Variants in CD28 observed in about 807,000 individuals in gnomAD.
CD28 encodes CD28 molecule, also known as T-cell-specific surface glycoprotein CD28.
CD28 carries 8 observed loss-of-function variants against 21.4 expected under a neutral mutation model. The ratio of observed to expected loss-of-function variants is 0.37; its 90% CI spans 0.22 to 0.68. CD28 has a LOEUF of 0.68. Among genes scored for constraint, CD28 ranks in the 30% least tolerant of loss-of-function variants. The pLI is 0.55. For missense variants in CD28, 239 were observed against 272.2 expected (o/e 0.88, Z 0.86); for synonymous variants, 106 against 104.0 (o/e 1.02, Z -0.12).
At chr2:203,719,349 T>C (rs941494160) in intron 1 of CD28, among the ~76,000 whole-genome samples, 2 of 152,198 alleles carry the variant, frequency 1.3e-5, no homozygotes, top group East Asian at 1.9e-4. Flanking sequence ...AAGACTCTAA[T>C]AAAATAGTGG....
At chr2:203,732,837 A>G (rs1693932235) in intron 3 of CD28, among the ~76,000 whole-genome samples, 1 of 152,234 alleles carries the variant, frequency 6.6e-6, no homozygotes, top group Non-Finnish European at 1.5e-5. Flanking sequence ...TAGGGTGATA[A>G]TAAGTAAGTC....
Position 203,726,625 on chromosome 2 carries a change from T to TC in CD28, c.53-3dup. On this transcript the variant is annotated splice_polypyrimidine_tract_variant and splice_region_variant and intron_variant, in intron 1 of 3. Transcript: ENST00000324106. The stretch of plus-strand genomic sequence containing the variant: ...TTGTTCTAAGCAAATGATTTTTTTT[T>TC]CCCCCAGGAAACAAGATTTTGGTGA... 6.3e-7 allele frequency: 1 copy of TC among 1,587,354 alleles called. No homozygotes were observed. Among genetic ancestry groups the TC allele is most frequent in the Non-Finnish European group, 8.6e-7 (1 of 1,163,814 alleles).
At chr2:203,730,632 A>C (rs2106123219) in intron 3 of CD28, among the ~76,000 whole-genome samples, 1 of 152,198 alleles carries the variant, frequency 6.6e-6, no homozygotes, top group East Asian at 1.9e-4. Flanking sequence ...GTATTCTCAA[A>C]CATAAAAGAC....
At chr2:203,717,830 C>T (rs1339724652) in intron 1 of CD28, among the ~76,000 whole-genome samples, 1 of 152,072 alleles carries the variant, frequency 6.6e-6, no homozygotes, top group Non-Finnish European at 1.5e-5. Flanking sequence ...TTATTCAAAG[C>T]CCCCTTTTTC....
intron 1 of CD28, among the ~76,000 whole-genome samples, chr2:203,716,850 A>T (rs1693474328): frequency 6.6e-6 from 1 of 152,184 alleles, no homozygotes; most frequent in African/African-American, 2.4e-5. Flanking sequence ...TATTTATTTG[A>T]GATGGGGTCT....
intron 1 of CD28, among the ~76,000 whole-genome samples, chr2:203,707,522 T>C (rs539474982): frequency 7.1e-4 from 108 of 152,334 alleles, no homozygotes; most frequent in African/African-American, 2.6e-3. Context: ...ACAACACCAA[T>C]ATTAATAAAT....
chr2:203,729,565 A>G (rs1693834608), intron 2 of CD28, 83 bp from the exon 3 acceptor site: 2 of 1,382,204 alleles, frequency 1.4e-6, no homozygotes, highest in Admixed American at 4.0e-5. Flanking sequence ...TTTCTTTCAC[A>G]TTTTTCTCTG....
At chr2:203,726,099 T>A (rs1251528593) in intron 1 of CD28, among the ~76,000 whole-genome samples, 1 of 152,058 alleles carries the variant, frequency 6.6e-6, no homozygotes, top group Non-Finnish European at 1.5e-5. Context: ...TAATCCCAGC[T>A]ACTTAAGAGA....
In CD28 at chr2:203,735,030, C is replaced by G; in HGVS notation, c.*118C>G. On this transcript the variant is annotated 3_prime_UTR_variant, in exon 4 of 4. Coordinates refer to ENST00000324106, the MANE Select transcript of CD28 (RefSeq NM_006139.4). ...CCACCTCAGGCCCCTGTTGGGCCAC[C>G]AATGCCAATTTTTCTCGAGTGACTA... 8.1e-7 allele frequency: 1 copy of G among 1,237,826 alleles called. No homozygotes were observed. Among genetic ancestry groups the G allele is most frequent in the Non-Finnish European group, 1.1e-6 (1 of 889,172 alleles). 76.7% of individuals were successfully genotyped at this position (1,237,826 alleles called of 1,614,324 possible).
intron 2 of CD28, among the ~76,000 whole-genome samples, chr2:203,727,471 C>CCTTCCTTCCTTCCTTTTCTTTTCT (rs1693782783): frequency 1.8e-5 from 2 of 108,484 alleles, no homozygotes; most frequent in Non-Finnish European, 4.2e-5. Flanking sequence ...CCTTCCTTTT[C>CCTTCCTTCCTTCCTTTTCTTTTCT]TTTTCTTTTT....
rs747456956 is a variant in CD28 at position 203,726,633 on chromosome 2, G to A, written c.53G>A (p.Gly18Glu). Residue 18 changes from glycine to glutamate, a missense_variant and splice_region_variant, in exon 2 of 4, where the codon GGA (glycine) becomes GAA (glutamate). Physicochemically the swap from Gly to Glu is moderately conservative, Grantham distance 98. This residue lies in a region of CD28 where 104 missense variants were observed against 108.5 expected (regional missense o/e 0.96). Transcript: ENST00000324106. ...AGCAAATGATTTTTTTTTCCCCCAGGAAACAAGATTTTGGTGAAGCAGTCG... is the reference window on the plus strand; with the variant it reads ...AGCAAATGATTTTTTTTTCCCCCAGAAAACAAGATTTTGGTGAAGCAGTCG... ...LNLFPSIQVT[G>E]NKILVKQSPM... is the part of the protein sequence containing the mutation. The A allele has an allele frequency of 3.8e-6, 6 of 1,591,090 alleles. No individual in the cohort carries two copies. The highest frequency in any genetic ancestry group is 1.4e-5 in the African/African-American group (1 of 73,504).
chr2:203,734,754 C>G (rs778118170), intron 3 of CD28, 30 bp from the exon 4 acceptor site: 2 of 1,613,290 alleles, frequency 1.2e-6, no homozygotes, highest in Admixed American at 3.3e-5. Flanking sequence ...TGACATTGTC[C>G]CTCCATACTG....
At position 203,734,857 on chromosome 2, in the gene CD28, G is replaced by A. The variant is rs199549636; in HGVS notation, c.608G>A (p.Arg203His). 11 of 1,614,028 alleles carry A rather than the reference G, an allele frequency of 6.8e-6. No homozygotes were observed. Among genetic ancestry groups the A allele is most frequent in the South Asian group, 3.3e-5 (3 of 91,084 alleles). Residue 203 changes from arginine (R) to histidine (H), a missense_variant, in exon 4 of 4, where the codon CGC becomes CAC. Transcript: ENST00000324106. ...ACTCCCCGCCGCCCCGGGCCCACCC[G>A]CAAGCATTACCAGCCCTATGCCCCA... ...NMTPRRPGPT[R>H]KHYQPYAPPR... is the part of the protein sequence containing the mutation.
rs534713905 is a variant in CD28 at position 203,738,329 on chromosome 2, A to G, written c.*3417A>G. 3 of 152,320 alleles carry G rather than the reference A, an allele frequency of 2.0e-5. No individual in the cohort carries two copies. The highest frequency in any genetic ancestry group is 6.5e-5 in the Admixed American group (1 of 15,296). The allele number at this position is 152,320 out of a possible 1,614,324, so 9.4% of individuals were successfully genotyped here. A position where few individuals can be genotyped will look rare whatever the true frequency, so the allele number is the denominator to read the frequency against. ...GCTGGGAACTATACCAGACCTGGAT[A>G]CTGATCCCAAAGTGTTAAATTCAAC... On this transcript the variant is annotated 3_prime_UTR_variant, in exon 4 of 4. Transcript: ENST00000324106.
At chr2:203,711,090 T>C (rs1189695309) in intron 1 of CD28, among the ~76,000 whole-genome samples, 2 of 152,204 alleles carry the variant, frequency 1.3e-5, no homozygotes, top group South Asian at 4.1e-4. Flanking sequence ...TGGCCGTTTT[T>C]GGCCAATGAC....
At chr2:203,727,298 G>A (rs3116494) in intron 2 of CD28, among the ~76,000 whole-genome samples, 115,836 of 152,080 alleles carry the variant, frequency 0.76, 44,274 homozygotes, top group East Asian at 0.92. Context: ...CCATTAAAAT[G>A]TAAGCCCAGG....
intron 1 of CD28, among the ~76,000 whole-genome samples, chr2:203,717,635 G>T (rs1288777950): frequency 6.6e-6 from 1 of 152,114 alleles, no homozygotes; most frequent in Admixed American, 6.5e-5. Context: ...TGTATCCACG[G>T]GTTATGCATC....
intron 2 of CD28, 137 bp downstream of exon 2, chr2:203,727,126 A>G: frequency 1.6e-6 from 1 of 634,660 alleles, no homozygotes; most frequent in Non-Finnish European, 2.8e-6. Flanking sequence ...TAATGTTTTC[A>G]GAAAAATTTT....
chr2:203,731,818 A>G (rs1466525534), intron 3 of CD28, among the ~76,000 whole-genome samples: 1 of 152,126 alleles, frequency 6.6e-6, no homozygotes, highest in Non-Finnish European at 1.5e-5. Context: ...TTTTAAAAAA[A>G]TTTTATTTTT....
Sources: allele counts gnomAD v4.1 joint callset (sites outside exome capture counted in the v4.1 genomes callset), GRCh38; gene constraint gnomAD v4.1.1; regional missense constraint gnomAD v4.1.1; transcripts MANE v1.5; gene names NCBI Gene and HGNC (gene_info 2026-07-23, HGNC 2026-07-21).